The following GRK1 variants were observed in gnomAD, a reference collection of about 807,000 sequenced individuals.
GRK1 encodes rhodopsin kinase GRK1.
A neutral mutation model predicts 41.7 loss-of-function variants in GRK1; 28 were observed. The observed-to-expected ratio is 0.67, with a 90% confidence interval of 0.50 to 0.92. GRK1 has a LOEUF of 0.92. Among genes scored for constraint, GRK1 ranks in the 40% least tolerant of loss-of-function variants. The pLI, the probability that GRK1 is intolerant of heterozygous loss-of-function variation, is 0.00. For synonymous variants in GRK1, 327 were observed against 286.7 expected (o/e 1.14, Z -1.42); for missense variants, 703 against 671.2 (o/e 1.05, Z -0.52).
chr13:113,658,309 C>T, the GRK1 span: 12 of 662,788 alleles, frequency 1.8e-5, no homozygotes, highest in Admixed American at 8.9e-5. Flanking sequence ...CGCCGGCCAT[C>T]GCCTCACCAA....
At chr13:113,725,142 G>T (rs2049882881) in intron 4 of GRK1, among the ~76,000 whole-genome samples, 1 of 151,636 alleles carries the variant, frequency 6.6e-6, no homozygotes, top group Non-Finnish European at 1.5e-5. Context: ...AAAGCCGCAG[G>T]GTCCGCATCC....
chr13:113,729,803 C>T lies in GRK1; in HGVS notation c.1070-1416C>T, dbSNP rs143071198. ...TGTGCCCAGACCCACCCCTCCATCC[C>T]GAGACAGTTGCCACGGCTGAGCCCA... On this transcript the variant is annotated intron_variant, in intron 4 of 6. Coordinates refer to ENST00000335678, the MANE Select transcript of GRK1 (RefSeq NM_002929.3). 1.8e-4 allele frequency among the ~76,000 whole-genome samples: 28 copies of T among 151,516 alleles called. No homozygotes were observed. In the East Asian group the frequency reaches 5.4e-3, roughly 29 times the overall value.
At chr13:113,729,118 C>T (rs905322072) in intron 4 of GRK1, among the ~76,000 whole-genome samples, 2 of 152,112 alleles carry the variant, frequency 1.3e-5, no homozygotes, top group South Asian at 2.1e-4. Context: ...GACTGTGGGA[C>T]GAGGCAGAGA....
At chr13:113,650,476 T>A in the GRK1 span, 3 of 1,613,848 alleles carry the variant, frequency 1.9e-6, no homozygotes, top group African/African-American at 2.7e-5. This position sits in a 1 kb window ranked among gnomAD's most constrained non-coding sequence, Gnocchi z 5.0. Flanking sequence ...GTACTTGACC[T>A]GCAGCGGCTG....
chr13:113,733,044 A>ACC lies in GRK1; in HGVS notation c.1359_1360dup (p.Leu454ProfsTer16). On this transcript the variant is annotated frameshift_variant, in exon 6 of 7. Coordinates refer to ENST00000335678, the MANE Select transcript of GRK1 (RefSeq NM_002929.3). LOFTEE classifies it low-confidence loss of function (END_TRUNC). The stretch of plus-strand genomic sequence containing the variant: ...GAGACCTGCGACAAGCTCCGTGCCC[A>ACC]CCCCCTCTTCAAGGACCTTAACTGG... 6.5e-7 allele frequency: 1 copy of ACC among 1,536,826 alleles called. No individual in the cohort carries two copies. Among genetic ancestry groups the ACC allele is most frequent in the Non-Finnish European group, 8.7e-7 (1 of 1,146,854 alleles).
At position 113,727,364 on chromosome 13, in the gene GRK1, T is replaced by C. The variant is rs184673343; in HGVS notation, c.1070-3855T>C. Among the ~76,000 whole-genome samples the C allele has an allele frequency of 8.5e-5, 13 of 152,190 alleles. No homozygotes were observed. The East Asian group carries it at 2.1e-3, about 25-fold the overall frequency. Reference sequence around the variant, plus strand: ...GTTGTGGGTTGTGGACTGTGGGCTGTAGGGTGTGGACTGTGGGCTTTGAGG... The same window carrying C: ...GTTGTGGGTTGTGGACTGTGGGCTGCAGGGTGTGGACTGTGGGCTTTGAGG... On this transcript the variant is annotated intron_variant, in intron 4 of 6. Coordinates refer to ENST00000335678, the MANE Select transcript of GRK1 (RefSeq NM_002929.3).
At chr13:113,649,340 C>T in the GRK1 span, 164 of 1,570,234 alleles carry the variant, frequency 1.0e-4, 1 homozygote, top group East Asian at 2.6e-3. The surrounding 1 kb of genome is among the most constrained non-coding windows in gnomAD (Gnocchi z 4.7). Context: ...TGAGCGACCC[C>T]GCAGGCGTGC....
At chr13:113,655,023 A>G in the GRK1 span, 1 of 1,559,444 alleles carries the variant, frequency 6.4e-7, no homozygotes, top group Non-Finnish European at 8.7e-7. Flanking sequence ...CGCGTCCGTG[A>G]TGTGGCGTGA....
the GRK1 span, chr13:113,653,235 A>G: frequency 7.4e-7 from 1 of 1,349,374 alleles, no homozygotes; most frequent in Non-Finnish European, 1.0e-6. Flanking sequence ...CACCTCACCC[A>G]CCCGCCGCTT....
At position 113,736,887 on chromosome 13, in the gene GRK1, G is replaced by A. The variant is rs1334236722; in HGVS notation, c.*1524G>A. 6.6e-6 allele frequency: 1 copy of A among 152,452 alleles called. No homozygotes were observed. The highest frequency in any genetic ancestry group is 1.5e-5 in the Non-Finnish European group (1 of 68,210). The allele number at this position is 152,452 out of a possible 1,614,324, so 9.4% of individuals were successfully genotyped here. The stretch of plus-strand genomic sequence containing the variant: ...GCAAGTGGCTGATGATGTGACTGAT[G>A]GAGACAGGGTGGCTTGGGAAGGTCC... On this transcript the variant is annotated 3_prime_UTR_variant, in exon 7 of 7. Coordinates refer to ENST00000335678, the MANE Select transcript of GRK1 (RefSeq NM_002929.3).
chr13:113,655,448 G>A, the GRK1 span, among the ~76,000 whole-genome samples: 1 of 152,200 alleles, frequency 6.6e-6, no homozygotes, highest in African/African-American at 2.4e-5. Flanking sequence ...GGAAGCCCTG[G>A]AGATGGCTCT....
chr13:113,652,130 G>T, the GRK1 span, among the ~76,000 whole-genome samples: 1 of 152,204 alleles, frequency 6.6e-6, no homozygotes, highest in African/African-American at 2.4e-5. Flanking sequence ...CGGGCCTTCA[G>T]CCCCCTTCCC....
Position 113,732,908 on chromosome 13 carries a change from C to G in GRK1, c.1219C>G (p.Arg407Gly). 6.5e-6 allele frequency: 10 copies of G among 1,536,718 alleles called. No homozygotes were observed. The highest frequency in any genetic ancestry group is 2.0e-5 in the Admixed American group (1 of 51,000). Residue 407 changes from arginine to glycine, a missense_variant, in exon 6 of 7, where the codon CGG (arginine) becomes GGG (glycine). Arg to Gly is a moderately radical substitution (Grantham distance 125, BLOSUM62 -2). Transcript: ENST00000335678. ...EKVENKELKH[R>G]IISEPVKYPD... ...GGTGGAGAACAAGGAGCTGAAGCAC[C>G]GGATCATCTCAGAGCCCGTGAAGTA...
chr13:113,731,260 T>C lies in GRK1; in HGVS notation c.1111T>C (p.Phe371Leu), dbSNP rs1336671087. ...GCTCCTGCAGGGCGAGGAGTACGAC[T>C]TCTCCGTGGACTACTTTGCCCTGGG... ...PELLQGEEYD[F>L]SVDYFALGVT... The change falls in exon 5 of 7, where the codon TTC (phenylalanine) becomes CTC (leucine). Residue 371 changes from phenylalanine to leucine, a missense_variant. By Grantham distance (22) the Phe-to-Leu change is conservative. Coordinates refer to ENST00000335678, the MANE Select transcript of GRK1 (RefSeq NM_002929.3). This position sits in a 1 kb window ranked among gnomAD's most constrained non-coding sequence, Gnocchi z 5.6. 3 of 1,537,098 alleles carry C rather than the reference T, an allele frequency of 2.0e-6. No homozygotes were observed. Among genetic ancestry groups the C allele is most frequent in the South Asian group, 1.2e-5 (1 of 84,056 alleles).
At position 113,733,076 on chromosome 13, in the gene GRK1, C is replaced by G; in HGVS notation, c.1387C>G (p.Leu463Val). 6.5e-7 allele frequency: 1 copy of G among 1,536,238 alleles called. No individual in the cohort carries two copies. The highest frequency in any genetic ancestry group is 8.7e-7 in the Non-Finnish European group (1 of 1,146,594). The part of the protein sequence containing the change: ...PLFKDLNWRQ[L>V]EAGMLMPPFI... Reference sequence around the variant, plus strand: ...CTTCAAGGACCTTAACTGGAGGCAGCTGGAGGCTGGTACTGTTGGACGCCT... The same window carrying G: ...CTTCAAGGACCTTAACTGGAGGCAGGTGGAGGCTGGTACTGTTGGACGCCT... Residue 463 changes from leucine to valine, a missense_variant, in exon 6 of 7, where the codon CTG (leucine) becomes GTG (valine). Transcript: ENST00000335678.
In GRK1 at chr13:113,667,693, C is replaced by T; in HGVS notation, c.307C>T (p.Gln103Ter). 1 of 1,613,788 alleles carries T rather than the reference C, an allele frequency of 6.2e-7. No individual in the cohort carries two copies. The highest frequency in any genetic ancestry group is 8.5e-7 in the Non-Finnish European group (1 of 1,179,920). Residue 103 changes from glutamine (Q) to a stop codon, truncating the protein, a stop_gained, in exon 1 of 7, where the codon CAG becomes TAG. Transcript: ENST00000335678. LOFTEE classifies it high-confidence loss of function. This position sits in a 1 kb window ranked among gnomAD's most constrained non-coding sequence, Gnocchi z 7.5. ...CTATGACACGGCAGACAATGACCTC[C>T]AGCCACAGAAGGCCCAGACCATCCT... is the stretch of plus-strand genomic sequence containing the variant. ...EDYDTADNDL[Q>*]PQKAQTILAQ...
chr13:113,723,432 G>A lies in GRK1; in HGVS notation c.1069+275G>A, dbSNP rs1055842025. Among the ~76,000 whole-genome samples the A allele has an allele frequency of 2.0e-5, 3 of 152,068 alleles. No homozygotes were observed. The East Asian group carries it at 5.8e-4, about 29-fold the overall frequency. On this transcript the variant is annotated intron_variant, in intron 4 of 6. Transcript: ENST00000335678. The stretch of plus-strand genomic sequence containing the variant: ...CAGGAGGTCCTGATGACAGGTGGTC[G>A]CCGCACAGTTTGGTTTTACACATTT...
intron 6 of GRK1, among the ~76,000 whole-genome samples, chr13:113,733,993 CAT>C (rs767740700): frequency 0.032 from 2,967 of 93,296 alleles, 110 homozygotes; most frequent in African/African-American, 0.11. Context: ...TGTGTGCATA[CAT>C]GTGTGTGCGT....
chr13:113,729,292 C>T (rs1018108032), intron 4 of GRK1, among the ~76,000 whole-genome samples: 7 of 152,232 alleles, frequency 4.6e-5, no homozygotes, highest in African/African-American at 1.7e-4. Context: ...TCCATCGCTC[C>T]CTGATCCGCT....
Sources: allele counts gnomAD v4.1 joint callset (sites outside exome capture counted in the v4.1 genomes callset), GRCh38; gene constraint gnomAD v4.1.1; non-coding constraint Gnocchi (gnomAD v3.1); transcripts MANE v1.5; gene names NCBI Gene and HGNC (gene_info 2026-07-23, HGNC 2026-07-21).